The following ZIM2 variants were observed in gnomAD, a reference collection of about 807,000 sequenced individuals.
The protein encoded by ZIM2 is zinc finger imprinted 2.
A neutral mutation model predicts 38.6 loss-of-function variants in ZIM2; 14 were observed. The observed-to-expected ratio is 0.36, with a 90% CI of 0.24 to 0.57. The LOEUF (loss-of-function observed/expected upper bound fraction) is 0.57. ZIM2 is among the 20% of genes least tolerant of loss of function. The pLI is 0.81. For synonymous variants in ZIM2, 247 were observed against 245.8 expected, an observed-to-expected ratio of 1.00 and a Z score of -0.04; for missense variants, 680 against 695.1, an observed-to-expected ratio of 0.98 and a Z score of 0.24.
chr19:56,807,126 G>A (rs970332170), intron 9 of ZIM2, among the ~76,000 whole-genome samples: 1 of 152,156 alleles, frequency 6.6e-6, no homozygotes, highest in African/African-American at 2.4e-5. Context: ...GAATTAAGGT[G>A]GCTTGGGAGT....
intron 2 of ZIM2, among the ~76,000 whole-genome samples, chr19:56,832,113 GTC>G (rs976332519): frequency 3.3e-5 from 5 of 152,130 alleles, no homozygotes; most frequent in Non-Finnish European, 7.4e-5. Context: ...ATAATAACAA[GTC>G]TCTGTTTCTT....
intron 10 of ZIM2, among the ~76,000 whole-genome samples, chr19:56,787,131 C>T (rs187624226): frequency 2.7e-4 from 41 of 152,206 alleles, no homozygotes; most frequent in Admixed American, 1.2e-3. Flanking sequence ...CCACTGCACC[C>T]GGTCTGTACT....
intron 10 of ZIM2, among the ~76,000 whole-genome samples, chr19:56,787,610 G>A (rs2046678666): frequency 2.0e-5 from 3 of 151,920 alleles, no homozygotes; most frequent in African/African-American, 7.3e-5. Flanking sequence ...CTCATAAAAT[G>A]AGCCTCTTTT....
chr19:56,775,596 T>C, intron 12 of ZIM2, 67 bp from the exon 13 acceptor site: 1 of 1,518,990 alleles, frequency 6.6e-7, no homozygotes, highest in African/African-American at 1.4e-5. Flanking sequence ...ATAATGATAT[T>C]TCTATAGGCA....
chr19:56,794,003 T>C (rs1255680296), intron 9 of ZIM2, among the ~76,000 whole-genome samples: 1 of 152,202 alleles, frequency 6.6e-6, no homozygotes, highest in Non-Finnish European at 1.5e-5. Context: ...GTATTCACTT[T>C]CTGAAAACTG....
At chr19:56,819,008 C>G (rs2060233055) in intron 7 of ZIM2, among the ~76,000 whole-genome samples, 1 of 152,174 alleles carries the variant, frequency 6.6e-6, no homozygotes, top group Admixed American at 6.5e-5. Context: ...AATCGGGGTA[C>G]AGATAGTAAG....
At chr19:56,780,823 C>A (rs2046298985) in intron 11 of ZIM2, among the ~76,000 whole-genome samples, 1 of 152,186 alleles carries the variant, frequency 6.6e-6, no homozygotes, top group Non-Finnish European at 1.5e-5. Context: ...TGAAGAACTT[C>A]TTTTTCACCA....
chr19:56,778,321 G>T (rs2145835646), intron 12 of ZIM2, among the ~76,000 whole-genome samples: 1 of 152,316 alleles, frequency 6.6e-6, no homozygotes, highest in South Asian at 2.1e-4. Flanking sequence ...AGAAGACAAT[G>T]AAAGAAACAG....
At chr19:56,798,864 G>T (rs547066822) in intron 9 of ZIM2, 21 of 152,042 alleles carry the variant, frequency 1.4e-4, no homozygotes, top group African/African-American at 4.8e-4. Context: ...TTTTAAAAAA[G>T]CTCAACACCA....
chr19:56,816,855 T>A (rs1366074390), intron 9 of ZIM2: 1 of 1,614,110 alleles, frequency 6.2e-7, no homozygotes, highest in Admixed American at 1.7e-5. Context: ...CAAGATAACC[T>A]CTAGCATGAA....
chr19:56,834,832 G>A (rs1213085867), intron 2 of ZIM2, among the ~76,000 whole-genome samples: 3 of 152,114 alleles, frequency 2.0e-5, no homozygotes, highest in Admixed American at 1.3e-4. Context: ...TTCTTGTGAT[G>A]GGAGTTTCCA....
chr19:56,807,969 G>A (rs188534012), intron 9 of ZIM2, among the ~76,000 whole-genome samples: 115 of 152,176 alleles, frequency 7.6e-4, no homozygotes, highest in Middle Eastern at 6.8e-3. Flanking sequence ...AGCAATCAAA[G>A]AAGACTTGTT....
rs543200968 is a variant in ZIM2, at chr19:56,784,355, T to C, written c.571-2234A>G. On this transcript the variant is annotated intron_variant, in intron 10 of 12. Coordinates refer to ENST00000629319, the MANE Select transcript of ZIM2 (RefSeq NM_001387356.1). ...ACAATACCTTGAATATAATGGATAA[T>C]CAATATTATTATATTAAAAAAAGAT... 1.1e-3 allele frequency among the ~76,000 whole-genome samples: 164 copies of C among 152,316 alleles called. 3 individuals are homozygous for C. The Middle Eastern group carries it at 0.014, about 13-fold the overall frequency.
intron 9 of ZIM2, chr19:56,817,428 T>C: frequency 6.2e-7 from 1 of 1,614,170 alleles, no homozygotes; most frequent in African/African-American, 1.3e-5. Flanking sequence ...GGAATCTCTG[T>C]GACCGGTCGC....
Position 56,817,799 on chromosome 19 carries a change from G to A in ZIM2, c.437C>T (p.Thr146Met), listed in dbSNP as rs148655323. 5.5e-4 allele frequency: 886 copies of A among 1,614,072 alleles called. No individual in the cohort carries two copies. The highest frequency in any genetic ancestry group is 7.0e-4 in the Non-Finnish European group (822 of 1,180,016). ...LAEDDGHSHM[T>M]QGHSSRSKRS... is the part of the protein sequence containing the mutation. The stretch of plus-strand genomic sequence containing the variant: ...CTTGGATCTTGATGAGTGGCCCTGC[G>A]TCATGTGGGAGTGGCCATCGTCTTC... Residue 146 changes from threonine (T) to methionine (M), a missense_variant, in exon 9 of 13, where the codon ACG becomes ATG. Coordinates refer to ENST00000629319, the MANE Select transcript of ZIM2 (RefSeq NM_001387356.1).
rs80021698 is a variant in ZIM2 at position 56,805,511 on chromosome 19, T to C, written c.490+12235A>G. On this transcript the variant is annotated intron_variant, in intron 9 of 12. Transcript: ENST00000629319. ...GTGTCTCCCACTGATTGTTTATTAG[T>C]TGCAAGGAGGGAAACCAGAAAGTAT... is the stretch of plus-strand genomic sequence containing the variant. Among the ~76,000 whole-genome samples, 187 of 152,306 alleles carry C rather than the reference T, an allele frequency of 1.2e-3. 2 individuals are homozygous for C. Among genetic ancestry groups the C allele is most frequent in the African/African-American group, 4.0e-3 (165 of 41,566 alleles).
intron 9 of ZIM2, chr19:56,812,369 G>A: frequency 2.0e-6 from 2 of 984,700 alleles, no homozygotes; most frequent in Non-Finnish European, 2.4e-6. Context: ...AACAAATTAA[G>A]GCTGCTGGGG....
At chr19:56,817,213 C>G (rs771640324) in intron 9 of ZIM2, 4 of 1,614,182 alleles carry the variant, frequency 2.5e-6, no homozygotes, top group Non-Finnish European at 3.4e-6. Context: ...CTTCCTGGGA[C>G]AGCCTTTTTG....
chr19:56,812,830 A>C (rs1321484024), intron 9 of ZIM2: 2 of 985,062 alleles, frequency 2.0e-6, no homozygotes, highest in African/African-American at 1.8e-5. Flanking sequence ...AAAAAAAAAA[A>C]AACCCAGAAC....
Sources: allele counts gnomAD v4.1 joint callset (sites outside exome capture counted in the v4.1 genomes callset), GRCh38; gene constraint gnomAD v4.1.1; transcripts MANE v1.5; gene names NCBI Gene and HGNC (gene_info 2026-07-23, HGNC 2026-07-21).